Variants in TAF4B observed in about 807,000 individuals in gnomAD.
TAF4B encodes TATA-box binding protein associated factor 4b.
Under a neutral mutation model 86.4 loss-of-function variants are expected in TAF4B, and 38 were observed. The ratio of observed to expected loss-of-function variants is 0.44; its 90% CI spans 0.34 to 0.58. The LOEUF (loss-of-function observed/expected upper bound fraction) is 0.58, where lower values mean the gene tolerates loss of function less well. Among genes scored for constraint, TAF4B ranks in the 20% least tolerant of loss-of-function variants. The pLI, the probability that TAF4B is intolerant of heterozygous loss-of-function variation, is 0.02. For missense variants in TAF4B, 988 were observed against 1,027.6 expected (o/e 0.96, Z 0.53); for synonymous variants, 388 against 391.2 (o/e 0.99, Z 0.10).
intron 14 of TAF4B, among the ~76,000 whole-genome samples, chr18:26,365,580 C>T (rs939456944): frequency 6.6e-6 from 1 of 152,058 alleles, no homozygotes; most frequent in East Asian, 1.9e-4. Flanking sequence ...AAAAAGCAGA[C>T]GGCAGAGTGA....
intron 6 of TAF4B, among the ~76,000 whole-genome samples, chr18:26,283,396 TTGTCA>T (rs1466686877): frequency 2.6e-5 from 4 of 152,126 alleles, no homozygotes; most frequent in African/African-American, 9.7e-5. Flanking sequence ...ACGAGGTGTA[TTGTCA>T]ATGAGTGGTA....
chr18:26,286,180 C>A lies in TAF4B; in HGVS notation c.1271C>A (p.Thr424Lys). 6.2e-7 allele frequency: 1 copy of A among 1,614,220 alleles called. No individual in the cohort carries two copies. Among genetic ancestry groups the A allele is most frequent in the Non-Finnish European group, 8.5e-7 (1 of 1,180,026 alleles). ...GGCCCAACTGCTGCAACAGGAGGAA[C>A]AACAGCTGGAACTGGTTTGCTTCAG... ...SVGPTAATGGTTAGTGLLQTS... is the reference protein window; with the variant it reads ...SVGPTAATGGKTAGTGLLQTS... The change falls in exon 7 of 15, where the codon ACA (threonine) becomes AAA (lysine). Residue 424 changes from threonine (T) to lysine (K), a missense_variant. Coordinates refer to ENST00000269142, the MANE Select transcript of TAF4B (RefSeq NM_005640.3).
intron 1 of TAF4B, chr18:26,256,260 C>G (rs1015800493): frequency 1.3e-6 from 2 of 1,519,474 alleles, no homozygotes; most frequent in East Asian, 4.5e-5. Context: ...CTTTTCATAG[C>G]GTTTACTGTC....
chr18:26,255,957 G>A (rs2056077932), intron 1 of TAF4B: 2 of 1,318,982 alleles, frequency 1.5e-6, no homozygotes, highest in East Asian at 2.3e-5. Flanking sequence ...ACTGTAACAA[G>A]GAGATTGAGC....
chr18:26,315,438 CTGTT>C (rs749755013), intron 10 of TAF4B, 40 bp downstream of exon 10: 4 of 1,463,022 alleles, frequency 2.7e-6, no homozygotes, highest in South Asian at 1.5e-5. Flanking sequence ...ATAGAGATGT[CTGTT>C]TGAGGGAAAA....
intron 9 of TAF4B, among the ~76,000 whole-genome samples, chr18:26,306,887 C>T (rs1435166663): frequency 6.6e-6 from 1 of 152,080 alleles, no homozygotes; most frequent in Admixed American, 6.6e-5. Context: ...ACGCCATTCT[C>T]CTGCCTCAGC....
At chr18:26,325,502 T>C (rs1043114366) in intron 11 of TAF4B, among the ~76,000 whole-genome samples, 4 of 152,150 alleles carry the variant, frequency 2.6e-5, no homozygotes, top group Admixed American at 6.6e-5. Flanking sequence ...CTCATTTGTT[T>C]AGTGATACGG....
At chr18:26,318,133 A>G (rs542898773) in intron 10 of TAF4B, among the ~76,000 whole-genome samples, 8 of 152,172 alleles carry the variant, frequency 5.3e-5, no homozygotes, top group Non-Finnish European at 1.0e-4. Flanking sequence ...CCCAGGTTCA[A>G]GTGATCCTCC....
chr18:26,303,434 T>A (rs1431290458), intron 9 of TAF4B, among the ~76,000 whole-genome samples: 1 of 74,560 alleles, frequency 1.3e-5, no homozygotes, highest in African/African-American at 4.8e-5. Flanking sequence ...ACTTTCATCC[T>A]CCCTCTACTT....
chr18:26,332,390 G>A (rs1312029369), intron 12 of TAF4B, among the ~76,000 whole-genome samples: 2 of 152,148 alleles, frequency 1.3e-5, no homozygotes, highest in Non-Finnish European at 2.9e-5. Flanking sequence ...TGCTCTGCGT[G>A]CCTTTCCGTT....
intron 14 of TAF4B, among the ~76,000 whole-genome samples, chr18:26,383,734 T>C (rs961330307): frequency 3.3e-5 from 5 of 152,202 alleles, no homozygotes; most frequent in African/African-American, 1.2e-4. Context: ...TAAAGTACTA[T>C]TGAAACATAG....
intron 1 of TAF4B, among the ~76,000 whole-genome samples, chr18:26,232,380 G>T (rs570585411): frequency 1.6e-4 from 25 of 152,336 alleles, no homozygotes; most frequent in African/African-American, 5.5e-4. Flanking sequence ...CAGTGGGTTG[G>T]TCCAGGGGTC....
At position 26,321,195 on chromosome 18, in the gene TAF4B, T is replaced by G; in HGVS notation, c.2128T>G (p.Tyr710Asp). Reference sequence around the variant, plus strand: ...AATTGCTCAGCATCGAATGACTACTTACAAGGTAAAGGAAATCATTAAAGA... The same window carrying G: ...AATTGCTCAGCATCGAATGACTACTGACAAGGTAAAGGAAATCATTAAAGA... ...TAIAQHRMTT[Y>D]KASENYILCS... The change falls in exon 11 of 15, where the codon TAC becomes GAC. Residue 710 changes from tyrosine to aspartate, a missense_variant. Transcript: ENST00000269142. 1 of 1,613,558 alleles carries G rather than the reference T, an allele frequency of 6.2e-7. No individual in the cohort carries two copies.
intron 1 of TAF4B, among the ~76,000 whole-genome samples, chr18:26,251,421 T>A (rs1192634673): frequency 6.6e-6 from 1 of 152,166 alleles, no homozygotes; most frequent in Non-Finnish European, 1.5e-5. Flanking sequence ...TGTGGAGAAG[T>A]CAGAGAACTT....
chr18:26,366,118 T>G (rs917036665), intron 14 of TAF4B, among the ~76,000 whole-genome samples: 1 of 152,196 alleles, frequency 6.6e-6, no homozygotes, highest in African/African-American at 2.4e-5. Context: ...TCTTGACTTC[T>G]TTATTTCTGC....
intron 1 of TAF4B, among the ~76,000 whole-genome samples, chr18:26,258,867 T>A (rs2056123135): frequency 6.6e-6 from 1 of 151,104 alleles, no homozygotes; most frequent in East Asian, 1.9e-4. Flanking sequence ...ACTTTTAATT[T>A]TTTTTTTTTT....
intron 1 of TAF4B, among the ~76,000 whole-genome samples, chr18:26,261,156 G>C (rs2056159432): frequency 6.9e-6 from 1 of 145,312 alleles, no homozygotes; most frequent in Admixed American, 6.9e-5. Context: ...GCACATCCTT[G>C]AACATGAGCA....
intron 1 of TAF4B, among the ~76,000 whole-genome samples, chr18:26,255,183 G>C (rs1216912639): frequency 6.7e-6 from 1 of 149,596 alleles, no homozygotes; most frequent in Non-Finnish European, 1.5e-5. Flanking sequence ...ATTAGAAGGG[G>C]ATTAAAAAAA....
At chr18:26,254,517 C>G (rs868039921) in intron 1 of TAF4B, among the ~76,000 whole-genome samples, 22 of 152,240 alleles carry the variant, frequency 1.4e-4, no homozygotes, top group Middle Eastern at 3.4e-3. Context: ...ATGAAGTCAT[C>G]AAAGTCATGT....
Sources: gnomAD v4.1 joint callset for allele counts (sites outside exome capture counted in the v4.1 genomes callset) on GRCh38, gnomAD v4.1.1 for gene constraint, MANE v1.5 for transcripts, NCBI Gene and HGNC (gene_info 2026-07-23, HGNC 2026-07-21) for gene names.